The following CRBN variants were observed in gnomAD, a reference collection of about 807,000 sequenced individuals.
The protein encoded by CRBN is protein cereblon.
CRBN carries 53 observed loss-of-function variants against 62.2 expected under a neutral mutation model. The observed-to-expected ratio is 0.85, with a 90% CI of 0.68 to 1.07. The LOEUF is 1.07. Among genes scored for constraint, CRBN ranks in the 50% least tolerant of loss-of-function variants. The probability of loss-of-function intolerance (pLI) is 0.00; values close to 1 mark genes in which losing one functional copy is unlikely to be tolerated. For missense variants in CRBN, 616 were observed against 531.1 expected, an observed-to-expected ratio of 1.16 and a Z score of -1.57; for synonymous variants, 208 against 176.1, an observed-to-expected ratio of 1.18 and a Z score of -1.43.
At chr3:3,178,227 G>A (rs1393009660) in intron 1 of CRBN, among the ~76,000 whole-genome samples, 2 of 152,112 alleles carry the variant, frequency 1.3e-5, no homozygotes, top group East Asian at 3.9e-4. Context: ...TCAAAGGCTG[G>A]CACACTTACC....
chr3:3,156,289 CAA>C lies in CRBN; in HGVS notation c.688-10_688-9del, dbSNP rs779746324. The stretch of plus-strand genomic sequence containing the variant: ...TGCACAATGAAACTTTCTCTGAAAA[CAA>C]AACAAAAAGGCACTTAAAAAACCCC... On this transcript the variant is annotated splice_polypyrimidine_tract_variant and intron_variant, in intron 5 of 10. Transcript: ENST00000231948. 2.0e-5 allele frequency: 32 copies of C among 1,613,246 alleles called. No homozygotes were observed. The highest frequency in any genetic ancestry group is 2.6e-5 in the Non-Finnish European group (31 of 1,179,510).
chr3:3,172,256 G>A lies in CRBN; in HGVS notation c.527+520C>T, dbSNP rs80338389. The A allele has an allele frequency of 2.0e-4, 31 of 155,052 alleles. No individual in the cohort carries two copies. The East Asian group carries it at 5.5e-3, about 28-fold the overall frequency. The allele number at this position is 155,052 out of a possible 1,614,324, so 9.6% of individuals were successfully genotyped here. On this transcript the variant is annotated intron_variant, in intron 4 of 10. Transcript: ENST00000231948. ...TAAAATTCACACTGGAGAGGGACAC[G>A]AAATATAAATGGCTTTTATAGCTCA...
At chr3:3,156,112 A>C in intron 6 of CRBN, 107 bp downstream of exon 6, 1 of 944,084 alleles carries the variant, frequency 1.1e-6, no homozygotes, top group Non-Finnish European at 1.7e-6. Flanking sequence ...CGATATCTTA[A>C]GTTATAAGGC....
chr3:3,169,730 AT>A (rs1223073329), intron 4 of CRBN, among the ~76,000 whole-genome samples: 12 of 152,156 alleles, frequency 7.9e-5, no homozygotes, highest in Non-Finnish European at 1.8e-4. Flanking sequence ...ACATTTTGTG[AT>A]TTCCAGCTTC....
chr3:3,167,720 A>T lies in CRBN; in HGVS notation c.601T>A (p.Ser201Thr). Residue 201 changes from serine (S) to threonine (T), a missense_variant, in exon 5 of 11, where the codon TCC becomes ACC. Physicochemically the swap from Ser to Thr is moderately conservative, Grantham distance 58 (BLOSUM62 1). Coordinates refer to ENST00000231948, the MANE Select transcript of CRBN (RefSeq NM_016302.4). ...GGAAATATCTGGCACTTATTGAGGG[A>T]TTCTAATTGAACTGCAGACATGGTT... Reference protein sequence around the residue: ...PSTMSAVQLESLNKCQIFPSK... With the variant: ...PSTMSAVQLETLNKCQIFPSK... 1 of 1,613,652 alleles carries T rather than the reference A, an allele frequency of 6.2e-7. No individual in the cohort carries two copies. Among genetic ancestry groups the T allele is most frequent in the Non-Finnish European group, 8.5e-7 (1 of 1,179,644 alleles).
intron 4 of CRBN, among the ~76,000 whole-genome samples, chr3:3,170,316 A>T (rs955051585): frequency 2.0e-5 from 3 of 152,248 alleles, no homozygotes; most frequent in Non-Finnish European, 2.9e-5. Context: ...AGTGTCATTT[A>T]GGTAAAAGAT....
chr3:3,153,470 T>C lies in CRBN; in HGVS notation c.970A>G (p.Lys324Glu). 6.3e-7 allele frequency: 1 copy of C among 1,580,114 alleles called. No homozygotes were observed. The highest frequency in any genetic ancestry group is 1.3e-5 in the African/African-American group (1 of 74,278). Residue 324 changes from lysine (K) to glutamate (E), a missense_variant, in exon 9 of 11, where the codon AAA (lysine) becomes GAA (glutamate). By Grantham distance (56) the Lys-to-Glu change is moderately conservative (BLOSUM62 1). Transcript: ENST00000231948. ...GTTATTTCTGTTTCTTGACATTGTT[T>C]ACAGCAAAGGGAAGTACACTAAAAG... ...IMNKCTSLCC[K>E]QCQETEITTK...
At position 3,150,759 on chromosome 3, in the gene CRBN, G is replaced by A; in HGVS notation, c.*106C>T. ...TCCAAGTAATGTTATGTTTACTTAG[G>A]TATTAATGTTATGTTTACTTAGGTA... is the stretch of plus-strand genomic sequence containing the variant. On this transcript the variant is annotated 3_prime_UTR_variant, in exon 11 of 11. Transcript: ENST00000231948. 9.4e-7 allele frequency: 1 copy of A among 1,062,210 alleles called. No individual in the cohort carries two copies. Among genetic ancestry groups the A allele is most frequent in the East Asian group, 2.6e-5 (1 of 38,588 alleles). The allele number at this position is 1,062,210 out of a possible 1,614,324, so 65.8% of individuals were successfully genotyped here.
intron 6 of CRBN, 146 bp downstream of exon 6, chr3:3,156,073 G>A: frequency 7.0e-6 from 5 of 715,612 alleles, no homozygotes; most frequent in South Asian, 5.2e-5. Context: ...CAAAGTGCTG[G>A]GATTACAGGT....
intron 5 of CRBN, among the ~76,000 whole-genome samples, chr3:3,162,663 AAT>A (rs1469867140): frequency 6.6e-6 from 1 of 152,214 alleles, no homozygotes; most frequent in Non-Finnish European, 1.5e-5. Flanking sequence ...AAGTTAATTG[AAT>A]ATATCTCAGG....
At chr3:3,163,938 C>A (rs1377785629) in intron 5 of CRBN, among the ~76,000 whole-genome samples, 1 of 152,170 alleles carries the variant, frequency 6.6e-6, no homozygotes, top group Non-Finnish European at 1.5e-5. Flanking sequence ...GTAATTCTCA[C>A]AATATTTCAC....
At chr3:3,173,395 AG>A (rs1447490103) in intron 3 of CRBN, among the ~76,000 whole-genome samples, 6 of 152,136 alleles carry the variant, frequency 3.9e-5, no homozygotes, top group Non-Finnish European at 8.8e-5. Context: ...GGGATATACA[AG>A]AAGGACTCAG....
rs769286805 is a variant in CRBN, at chr3:3,152,511, C to T, written c.1093G>A (p.Ala365Thr). Reference protein sequence around the residue: ...YVHETLTVYKACNLNLIGRPS... With the variant: ...YVHETLTVYKTCNLNLIGRPS... ...CGGCCTATCAGATTCAAGTTGCAAGCCTTATACACAGTAAGTGTCTCATGC... is the reference window on the plus strand; with the variant it reads ...CGGCCTATCAGATTCAAGTTGCAAGTCTTATACACAGTAAGTGTCTCATGC... The change falls in exon 10 of 11, where the codon GCT (alanine) becomes ACT (threonine). Residue 365 changes from alanine to threonine, a missense_variant. Physicochemically the swap from Ala to Thr is moderately conservative, Grantham distance 58. Transcript: ENST00000231948. 3.1e-6 allele frequency: 5 copies of T among 1,613,990 alleles called. No homozygotes were observed. In the South Asian group the frequency reaches 4.4e-5, roughly 14 times the overall value.
intron 5 of CRBN, among the ~76,000 whole-genome samples, chr3:3,158,456 A>G (rs1296442345): frequency 6.6e-6 from 1 of 152,226 alleles, no homozygotes; most frequent in Admixed American, 6.5e-5. Flanking sequence ...CTGAGGAGTC[A>G]GACCATGAGA....
At chr3:3,165,518 C>T (rs1490451375) in intron 5 of CRBN, among the ~76,000 whole-genome samples, 1 of 152,070 alleles carries the variant, frequency 6.6e-6, no homozygotes, top group Non-Finnish European at 1.5e-5. Flanking sequence ...GACTATCCAC[C>T]AGCAAAAAAG....
In CRBN at chr3:3,150,611, C is replaced by A; in HGVS notation, c.*254G>T. 2.5e-6 allele frequency: 1 copy of A among 400,726 alleles called. No individual in the cohort carries two copies. The highest frequency in any genetic ancestry group is 4.7e-6 in the Non-Finnish European group (1 of 213,476). The allele number at this position is 400,726 out of a possible 1,614,324, so 24.8% of individuals were successfully genotyped here. On this transcript the variant is annotated 3_prime_UTR_variant, in exon 11 of 11. Transcript: ENST00000231948. ...ACATGCTACCAGACATATCAGATTC[C>A]ACAGGATAATGGCACCAAGCTACCC...
At chr3:3,154,611 G>T in intron 7 of CRBN, 136 bp downstream of exon 7, 1 of 658,456 alleles carries the variant, frequency 1.5e-6, no homozygotes, top group Non-Finnish European at 2.7e-6. Flanking sequence ...CTGCTCAAAG[G>T]AAATTATGCT....
chr3:3,153,579 A>AAGAT, intron 8 of CRBN, 91 bp from the exon 9 acceptor site: 1 of 797,020 alleles, frequency 1.3e-6, no homozygotes, highest in Non-Finnish European at 2.3e-6. Flanking sequence ...CTTACTTATA[A>AAGAT]AGATATTGCT....
chr3:3,174,742 C>T (rs998226601), intron 2 of CRBN, among the ~76,000 whole-genome samples: 1 of 152,194 alleles, frequency 6.6e-6, no homozygotes, highest in Non-Finnish European at 1.5e-5. Context: ...CTAACTTTAA[C>T]TCTTAGAAGA....
Sources: allele counts gnomAD v4.1 joint callset (sites outside exome capture counted in the v4.1 genomes callset), GRCh38; gene constraint gnomAD v4.1.1; transcripts MANE v1.5; gene names NCBI Gene and HGNC (gene_info 2026-07-23, HGNC 2026-07-21).